Variants in PPP3CC observed in about 807,000 individuals in gnomAD.
PPP3CC encodes serine/threonine-protein phosphatase 2B catalytic subunit gamma isoform.
PPP3CC carries 35 observed loss-of-function variants against 60.3 expected under a neutral mutation model. The ratio of observed to expected loss-of-function variants is 0.58; its 90% CI spans 0.44 to 0.77. The LOEUF is 0.77. Among genes scored for constraint, PPP3CC ranks in the 30% least tolerant of loss-of-function variants. The probability of loss-of-function intolerance (pLI) is 0.00; values close to 1 mark genes in which losing one functional copy is unlikely to be tolerated. For missense variants in PPP3CC, 570 were observed against 628.9 expected, an observed-to-expected ratio of 0.91 and a Z score of 1.00; for synonymous variants, 206 against 224.3, an observed-to-expected ratio of 0.92 and a Z score of 0.73.
chr8:22,503,543 T>G (rs552546852), intron 4 of PPP3CC, among the ~76,000 whole-genome samples: 1 of 152,290 alleles, frequency 6.6e-6, no homozygotes, highest in South Asian at 2.1e-4. Flanking sequence ...ATTTTTAATT[T>G]TTATGGGTAT....
intron 8 of PPP3CC, among the ~76,000 whole-genome samples, chr8:22,522,993 C>A (rs1218329025): frequency 6.6e-6 from 1 of 152,090 alleles, no homozygotes; most frequent in Non-Finnish European, 1.5e-5. Flanking sequence ...CAGATTGATA[C>A]TACAGAATCA....
chr8:22,513,017 G>A (rs535260103), intron 5 of PPP3CC, among the ~76,000 whole-genome samples: 10 of 151,902 alleles, frequency 6.6e-5, no homozygotes, highest in East Asian at 3.9e-4. Context: ...CGGAGTTTGC[G>A]GTGAGCCGAG....
chr8:22,465,177 A>G (rs1308089232), intron 1 of PPP3CC, among the ~76,000 whole-genome samples: 1 of 151,450 alleles, frequency 6.6e-6, no homozygotes, highest in Non-Finnish European at 1.5e-5. Context: ...CCCAGGCTGG[A>G]CTCAAACTCC....
chr8:22,464,211 A>C (rs1320114810), intron 1 of PPP3CC, among the ~76,000 whole-genome samples: 1 of 152,152 alleles, frequency 6.6e-6, no homozygotes, highest in Non-Finnish European at 1.5e-5. Flanking sequence ...TTCTCACAAA[A>C]GTTTTAAGTT....
intron 3 of PPP3CC, among the ~76,000 whole-genome samples, chr8:22,479,897 C>G (rs1335195399): frequency 6.6e-6 from 1 of 152,114 alleles, no homozygotes; most frequent in African/African-American, 2.4e-5. Flanking sequence ...TTCATTGACA[C>G]TAGTAAGGTT....
At chr8:22,489,420 TTA>T (rs949721759) in intron 3 of PPP3CC, among the ~76,000 whole-genome samples, 5 of 151,464 alleles carry the variant, frequency 3.3e-5, no homozygotes, top group Non-Finnish European at 5.9e-5. Flanking sequence ...TCTACTGTAT[TTA>T]ATATATGATT....
intron 8 of PPP3CC, among the ~76,000 whole-genome samples, chr8:22,527,119 A>C (rs1017599235): frequency 6.6e-6 from 1 of 152,220 alleles, no homozygotes; most frequent in African/African-American, 2.4e-5. Context: ...GTTTATATAG[A>C]TAGTTACTGT....
intron 12 of PPP3CC, among the ~76,000 whole-genome samples, chr8:22,533,917 G>A (rs1839784236): frequency 6.6e-6 from 1 of 151,802 alleles, no homozygotes; most frequent in African/African-American, 2.4e-5. Flanking sequence ...CCACACTGAG[G>A]GCCGGGAGCG....
chr8:22,453,008 T>C (rs1837082584), intron 1 of PPP3CC, among the ~76,000 whole-genome samples: 1 of 152,222 alleles, frequency 6.6e-6, no homozygotes, highest in Non-Finnish European at 1.5e-5. Context: ...TATTTAAGTA[T>C]GTGCAAGCAT....
intron 1 of PPP3CC, among the ~76,000 whole-genome samples, chr8:22,443,571 A>T (rs1272834333): frequency 2.7e-5 from 4 of 150,936 alleles, no homozygotes; most frequent in African/African-American, 4.9e-5. Flanking sequence ...ACGCATGCTT[A>T]TTATTAAATA....
intron 3 of PPP3CC, among the ~76,000 whole-genome samples, chr8:22,485,908 G>C (rs1236962058): frequency 5.3e-5 from 8 of 152,138 alleles, no homozygotes; most frequent in African/African-American, 1.9e-4. Context: ...TGATGGCAGT[G>C]GGTAAAATTA....
intron 10 of PPP3CC, chr8:22,531,154 A>G (rs1342966711): frequency 2.7e-5 from 19 of 692,194 alleles, no homozygotes. Flanking sequence ...TTCCAAGGAT[A>G]TCTCTTATGA....
intron 1 of PPP3CC, among the ~76,000 whole-genome samples, chr8:22,449,909 C>T (rs1262089208): frequency 6.7e-6 from 1 of 149,704 alleles, no homozygotes; most frequent in South Asian, 2.1e-4. Context: ...CGCTGTCGCC[C>T]GGGCTGGAAT....
At chr8:22,512,139 G>A (rs917140300) in intron 5 of PPP3CC, among the ~76,000 whole-genome samples, 2 of 152,000 alleles carry the variant, frequency 1.3e-5, no homozygotes, top group Non-Finnish European at 1.5e-5. Flanking sequence ...TTTAATCAAA[G>A]TGATAGATAC....
At chr8:22,529,456 A>G (rs1042307110) in intron 10 of PPP3CC, among the ~76,000 whole-genome samples, 3 of 152,096 alleles carry the variant, frequency 2.0e-5, no homozygotes, top group Admixed American at 6.6e-5. Context: ...GGCAATGTTT[A>G]TCTCTCTTTT....
intron 1 of PPP3CC, among the ~76,000 whole-genome samples, chr8:22,466,790 G>C (rs573297977): frequency 6.6e-6 from 1 of 152,152 alleles, no homozygotes; most frequent in Non-Finnish European, 1.5e-5. Context: ...GTCTCACTCT[G>C]TTGTCCAGGC....
Position 22,475,574 on chromosome 8 carries a change from C to T in PPP3CC, c.322C>T (p.Arg108Cys), listed in dbSNP as rs201508276. The T allele has an allele frequency of 4.9e-5, 79 of 1,612,836 alleles. No individual in the cohort carries two copies. Among genetic ancestry groups the T allele is most frequent in the Admixed American group, 2.0e-4 (12 of 59,976 alleles). ...FEVGGSPSNT[R>C]YLFLGDYVDR... ...AGTTGGAGGATCACCTAGTAACACACGCTACCTCTTTCTGGGTGACTATGT... is the reference window on the plus strand; with the variant it reads ...AGTTGGAGGATCACCTAGTAACACATGCTACCTCTTTCTGGGTGACTATGT... Residue 108 changes from arginine to cysteine, a missense_variant, in exon 3 of 14, where the codon CGC becomes TGC. Transcript: ENST00000240139.
intron 3 of PPP3CC, among the ~76,000 whole-genome samples, chr8:22,492,251 AAG>A (rs1018761981): frequency 6.6e-5 from 10 of 152,018 alleles, no homozygotes; most frequent in African/African-American, 2.2e-4. Flanking sequence ...TAAAAAAAAA[AAG>A]AGAAAAAATG....
At chr8:22,442,473 A>G (rs1836700725) in intron 1 of PPP3CC, among the ~76,000 whole-genome samples, 1 of 152,170 alleles carries the variant, frequency 6.6e-6, no homozygotes, top group East Asian at 1.9e-4. Flanking sequence ...GCCTTATTGC[A>G]TGTTCAGGGA....
Sources: gnomAD v4.1 joint callset for allele counts (sites outside exome capture counted in the v4.1 genomes callset) on GRCh38, gnomAD v4.1.1 for gene constraint, MANE v1.5 for transcripts, NCBI Gene and HGNC (gene_info 2026-07-23, HGNC 2026-07-21) for gene names.